TALDO1: variants seen among roughly 807,000 people sequenced by gnomAD.
TALDO1 encodes the protein transaldolase 1.
In TALDO1, 29 loss-of-function variants were observed where a neutral mutation model predicts 38.1. The observed-to-expected ratio is 0.76, with a 90% CI of 0.57 to 1.04. TALDO1 has a LOEUF of 1.04. Among genes scored for constraint, TALDO1 ranks in the 50% least tolerant of loss-of-function variants. TALDO1 has a pLI of 0.00. For missense variants in TALDO1, 499 were observed against 438.1 expected, an observed-to-expected ratio of 1.14 and a Z score of -1.24; for synonymous variants, 207 against 176.8, an observed-to-expected ratio of 1.17 and a Z score of -1.36.
intron 1 of TALDO1, among the ~76,000 whole-genome samples, chr11:753,203 G>A (rs1590068086): frequency 6.6e-6 from 1 of 151,812 alleles, no homozygotes; most frequent in African/African-American, 2.4e-5. Context: ...AGACCAGCCC[G>A]GCCAACATGG....
rs540667569 is a variant in TALDO1, at chr11:760,422, C to G, written c.461+169C>G. 1.9e-5 allele frequency: 18 copies of G among 967,924 alleles called. No individual in the cohort carries two copies. In the East Asian group the frequency reaches 4.4e-4, roughly 23 times the overall value. 60.0% of individuals were successfully genotyped at this position (967,924 alleles called of 1,614,324 possible). A position where few individuals can be genotyped will look rare whatever the true frequency, so the allele number is the denominator to read the frequency against. On this transcript the variant is annotated intron_variant, in intron 4 of 7. Transcript: ENST00000319006. ...GCTCATGTCAGCCTAGATCTGCCCT[C>G]TGCTCCAGAGCCAGCTCCCTCACTT... is the stretch of plus-strand genomic sequence containing the variant.
intron 2 of TALDO1, among the ~76,000 whole-genome samples, chr11:758,141 G>A (rs139438151): frequency 0.018 from 2,723 of 152,268 alleles, 76 homozygotes; most frequent in African/African-American, 0.062. Context: ...AAAATTAGCC[G>A]GGCACAGTGG....
chr11:747,760 G>T (rs1268775466), intron 1 of TALDO1, among the ~76,000 whole-genome samples, 182 bp downstream of exon 1: 1 of 152,134 alleles, frequency 6.6e-6, no homozygotes, highest in Non-Finnish European at 1.5e-5. Context: ...AGGGGAGCGG[G>T]GCCCGGGTCG....
At chr11:762,149 G>A (rs1286298451) in intron 4 of TALDO1, among the ~76,000 whole-genome samples, 1 of 151,948 alleles carries the variant, frequency 6.6e-6, no homozygotes, top group African/African-American at 2.4e-5. Context: ...ATTTTTAGTA[G>A]AGATGGGGTT....
intron 1 of TALDO1, chr11:752,396 A>G (rs1862765803): frequency 6.6e-6 from 1 of 152,096 alleles, no homozygotes; most frequent in Admixed American, 6.6e-5. Context: ...TTGCTTTTCT[A>G]ATTGTGGGTC....
intron 6 of TALDO1, 29 bp downstream of exon 6, chr11:763,973 C>T (rs1368992131): frequency 6.2e-7 from 1 of 1,602,066 alleles, no homozygotes. Flanking sequence ...GCTGTGGCTC[C>T]TGCTCGGGCA....
At chr11:754,763 C>T (rs1332747342) in intron 1 of TALDO1, among the ~76,000 whole-genome samples, 1 of 152,150 alleles carries the variant, frequency 6.6e-6, no homozygotes, top group African/African-American at 2.4e-5. Context: ...TGAGCCACTG[C>T]ACCCGGCCTG....
intron 3 of TALDO1, among the ~76,000 whole-genome samples, chr11:759,349 T>A (rs1357516755): frequency 1.3e-5 from 2 of 151,880 alleles, no homozygotes; most frequent in Non-Finnish European, 2.9e-5. Context: ...GCAACCTCTG[T>A]CTCCCGGCTT....
intron 7 of TALDO1, 124 bp downstream of exon 7, chr11:764,557 C>A: frequency 6.8e-7 from 1 of 1,480,294 alleles, no homozygotes; most frequent in Non-Finnish European, 9.2e-7. Context: ...CACGTGCTGT[C>A]CAGCAAGTGG....
intron 3 of TALDO1, 21 bp from the exon 4 acceptor site, chr11:760,101 G>A (rs1862904067): frequency 6.2e-7 from 1 of 1,613,338 alleles, no homozygotes; most frequent in South Asian, 1.1e-5. Context: ...CTGAGGGGAT[G>A]GGTTCTTCTT....
At chr11:747,614 G>T (rs1330663671) in intron 1 of TALDO1, 36 bp downstream of exon 1, 2 of 1,515,810 alleles carry the variant, frequency 1.3e-6, no homozygotes, top group Admixed American at 4.0e-5. Context: ...CGGCGCAAGC[G>T]CCCTCCAGAG....
chr11:761,794 A>T (rs1352127336), intron 4 of TALDO1, among the ~76,000 whole-genome samples: 1 of 152,036 alleles, frequency 6.6e-6, no homozygotes, highest in Non-Finnish European at 1.5e-5. Flanking sequence ...TTTCCACCTC[A>T]GTCCCCCAAG....
In TALDO1 at chr11:763,400, C is replaced by T. The variant is rs1258372491; in HGVS notation, c.518C>T (p.Ala173Val). ...HCNMTLLFSF[A>V]QAVACAEAGV... ...AACATGACGTTACTCTTCTCCTTCG[C>T]CCAGGCTGTGGCCTGTGCCGAGGCG... The change falls in exon 5 of 8, where the codon GCC (alanine) becomes GTC (valine). Residue 173 changes from alanine to valine, a missense_variant. Ala to Val is a moderately conservative substitution (Grantham distance 64). Transcript: ENST00000319006. The T allele has an allele frequency of 5.0e-6, 8 of 1,613,298 alleles. No homozygotes were observed. The African/African-American group carries it at 9.4e-5, about 19-fold the overall frequency.
In TALDO1 at chr11:750,803, C is replaced by T. The variant is rs571836512; in HGVS notation, c.97+3225C>T. Among the ~76,000 whole-genome samples the T allele has an allele frequency of 1.1e-3, 173 of 150,990 alleles. 1 individual carries two copies. The highest frequency in any genetic ancestry group is 6.5e-3 in the South Asian group (31 of 4,770). On this transcript the variant is annotated intron_variant, in intron 1 of 7. Coordinates refer to ENST00000319006, the MANE Select transcript of TALDO1 (RefSeq NM_006755.2). ...TCGCGCCACTGCACTCCAGCCTGGG[C>T]GACAGAGCGAGACTCTGTCTCAAAA...
chr11:757,667 A>G (rs1325306137), intron 2 of TALDO1, among the ~76,000 whole-genome samples: 1 of 152,212 alleles, frequency 6.6e-6, no homozygotes, highest in Non-Finnish European at 1.5e-5. Flanking sequence ...AAGGCTGCTC[A>G]GATTTTGGAA....
intron 2 of TALDO1, among the ~76,000 whole-genome samples, chr11:757,533 G>A (rs1014903226): frequency 6.6e-6 from 1 of 152,060 alleles, no homozygotes; most frequent in Non-Finnish European, 1.5e-5. Context: ...AGCTTGAGCA[G>A]TCTGCCCACC....
chr11:761,548 A>T (rs1036271944), intron 4 of TALDO1, among the ~76,000 whole-genome samples: 1 of 152,148 alleles, frequency 6.6e-6, no homozygotes, highest in Non-Finnish European at 1.5e-5. Flanking sequence ...AGAGACAGAA[A>T]ATGTATAAAA....
chr11:755,135 C>CCTTTT (rs1862810737), intron 1 of TALDO1, among the ~76,000 whole-genome samples: 3 of 59,652 alleles, frequency 5.0e-5, no homozygotes, highest in African/African-American at 2.0e-4. Flanking sequence ...TCCCCTTGGC[C>CCTTTT]TTTTTTTTTT....
chr11:747,874 G>C (rs1030606363), intron 1 of TALDO1, among the ~76,000 whole-genome samples: 7 of 152,212 alleles, frequency 4.6e-5, no homozygotes, highest in Non-Finnish European at 7.3e-5. Context: ...GGGGTCAGCC[G>C]TGAGGGGCTC....
Sources: allele counts gnomAD v4.1 joint callset (sites outside exome capture counted in the v4.1 genomes callset), GRCh38; gene constraint gnomAD v4.1.1; transcripts MANE v1.5; gene names NCBI Gene and HGNC (gene_info 2026-07-23, HGNC 2026-07-21).